Variants in RBM45 observed in about 807,000 individuals in gnomAD.
The protein encoded by RBM45 is RNA-binding protein 45.
Under a neutral mutation model 58.5 loss-of-function variants are expected in RBM45, and 39 were observed. The observed-to-expected ratio is 0.67, with a 90% CI of 0.52 to 0.87. RBM45 has a LOEUF of 0.87. RBM45 is among the 40% of genes least tolerant of loss of function. The pLI is 0.00. For missense variants in RBM45, 481 were observed against 581.6 expected (o/e 0.83, Z 1.78); for synonymous variants, 193 against 203.0 (o/e 0.95, Z 0.42).
downstream of RBM45, among the ~76,000 whole-genome samples, chr2:178,132,669 C>T (rs2088014487): frequency 1.3e-5 from 2 of 152,154 alleles, no homozygotes; most frequent in Non-Finnish European, 2.9e-5. Flanking sequence ...CAGCTCACCG[C>T]AACCTCCACC....
Position 178,126,051 on chromosome 2 carries a change from G to A in RBM45, c.1300G>A (p.Asp434Asn), listed in dbSNP as rs748783470. The A allele has an allele frequency of 1.7e-5, 28 of 1,613,728 alleles. No individual in the cohort carries two copies. In the Admixed American group the frequency reaches 1.8e-4, roughly 11 times the overall value. ...GKNVGYAKYA[D>N]RISANDAIAT... ...AAATGTGGGGTATGCCAAGTATGCC[G>A]ATAGAATAAGTGCTAATGATGCCAT... is the stretch of plus-strand genomic sequence containing the variant. The change falls in exon 9 of 10, where the codon GAT becomes AAT. Residue 434 changes from aspartate (D) to asparagine (N), a missense_variant. Physicochemically the swap from Asp to Asn is conservative, Grantham distance 23. Transcript: ENST00000286070.
downstream of RBM45, among the ~76,000 whole-genome samples, chr2:178,129,920 A>C (rs2087988506): frequency 6.6e-6 from 1 of 152,316 alleles, no homozygotes; most frequent in African/African-American, 2.4e-5. Flanking sequence ...TACTCAATCT[A>C]TATATGCAGC....
chr2:178,134,281 G>T (rs1321065966), downstream of RBM45, among the ~76,000 whole-genome samples: 1 of 152,116 alleles, frequency 6.6e-6, no homozygotes, highest in East Asian at 1.9e-4. Context: ...TTGTATATGA[G>T]GTACAAAACT....
At chr2:178,127,417 G>T (rs934711745) in intron 9 of RBM45, among the ~76,000 whole-genome samples, 2 of 152,106 alleles carry the variant, frequency 1.3e-5, no homozygotes, top group African/African-American at 4.8e-5. Flanking sequence ...GACCAATTGT[G>T]TGAGCTAGCA....
intron 5 of RBM45, among the ~76,000 whole-genome samples, chr2:178,121,892 T>C (rs1476233943): frequency 6.6e-6 from 1 of 152,242 alleles, no homozygotes; most frequent in African/African-American, 2.4e-5. Context: ...TTTGAACTTA[T>C]TAATTAGTTA....
Position 178,112,774 on chromosome 2 carries a change from C to T in RBM45, c.228C>T (p.Ser76=), listed in dbSNP as rs200182735. Reference sequence around the variant, plus strand: ...TTGCTTTCGTCAAGTTCGCCCGCAGCTCACAGGCCTGCAGGGCCATGGAGG... The same window carrying T: ...TTGCTTTCGTCAAGTTCGCCCGCAGTTCACAGGCCTGCAGGGCCATGGAGG... ...KGIAFVKFAR[S]SQACRAMEEM... The change falls in exon 1 of 10, where the codon AGC becomes AGT. Residue 76 remains serine, a synonymous_variant. Coordinates refer to ENST00000286070, the MANE Select transcript of RBM45 (RefSeq NM_152945.4). 52 of 1,614,050 alleles carry T rather than the reference C, an allele frequency of 3.2e-5. No individual in the cohort carries two copies. The East Asian group carries it at 4.7e-4, about 15-fold the overall frequency.
chr2:178,121,403 TACACACACACACACACACACACAC>T (rs55710214), intron 5 of RBM45, 44 bp downstream of exon 5: 23 of 593,382 alleles, frequency 3.9e-5, no homozygotes, highest in Non-Finnish European at 5.9e-5. Context: ...TATGTATATA[TACACACACACACACACACACACAC>T]ACACACACAC....
rs1179862171 is a variant in RBM45 at position 178,112,838 on chromosome 2, C to A, written c.292C>A (p.Pro98Thr). ...GQCLGPNDTK[P>T]IKVFIAQSRS... ...GTGCCTCGGCCCCAACGACACCAAG[C>A]CCATCAAGGTGCGGGTGCCCGGGTC... The change falls in exon 1 of 10, where the codon CCC becomes ACC. Residue 98 changes from proline to threonine, a missense_variant. Coordinates refer to ENST00000286070, the MANE Select transcript of RBM45 (RefSeq NM_152945.4). The A allele has an allele frequency of 1.2e-6, 2 of 1,603,582 alleles. No individual in the cohort carries two copies. The highest frequency in any genetic ancestry group is 1.1e-5 in the South Asian group (1 of 90,950).
intron 8 of RBM45, among the ~76,000 whole-genome samples, chr2:178,124,823 T>G (rs1471893158): frequency 2.0e-5 from 3 of 151,792 alleles, no homozygotes; most frequent in Admixed American, 2.0e-4. Context: ...GTTTTTTGTG[T>G]TTTTTTTGCT....
Position 178,116,354 on chromosome 2 carries a change from C to T in RBM45, c.393C>T (p.Tyr131=), listed in dbSNP as rs1409829459. The change falls in exon 2 of 10, where the codon TAC becomes TAT. Residue 131 remains tyrosine (Y), a synonymous_variant. Coordinates refer to ENST00000286070, the MANE Select transcript of RBM45 (RefSeq NM_152945.4). ...TCTTTGTTATGATACCAAAGTCCTA[C>T]ACAGAAGAAGATCTGCGGGAAAAAT... is the stretch of plus-strand genomic sequence containing the variant. The part of the protein sequence containing the change: ...TRIFVMIPKS[Y]TEEDLREKFK... 5.6e-6 allele frequency: 9 copies of T among 1,605,532 alleles called. No homozygotes were observed. The East Asian group carries it at 2.0e-4, about 36-fold the overall frequency.
At chr2:178,113,247 A>G (rs2087729168) in intron 1 of RBM45, among the ~76,000 whole-genome samples, 1 of 152,152 alleles carries the variant, frequency 6.6e-6, no homozygotes, top group African/African-American at 2.4e-5. Context: ...TCCATATATA[A>G]AAAACGGAAA....
chr2:178,126,739 A>G (rs2087934431), intron 9 of RBM45, among the ~76,000 whole-genome samples: 1 of 152,226 alleles, frequency 6.6e-6, no homozygotes, highest in South Asian at 2.1e-4. Flanking sequence ...ACATTCAGAA[A>G]ATATTCTCGT....
At chr2:178,134,713 C>T (rs1457521620) in intron 3 of RBM45, among the ~76,000 whole-genome samples, 6 of 151,970 alleles carry the variant, frequency 3.9e-5, no homozygotes, top group African/African-American at 9.7e-5. Flanking sequence ...CTATCTGGGC[C>T]GGGCGCAGTG....
rs752874482 is a variant in RBM45 at position 178,123,643 on chromosome 2, T to C, written c.975T>C (p.Asn325=). Residue 325 remains asparagine, a synonymous_variant, in exon 6 of 10, where the codon AAT becomes AAC. Transcript: ENST00000286070. ...IGVSFIDDGS[N]ATDLLRKMAT... ...TTTCCTTCATTGATGATGGAAGTAA[T>C]GCAACAGAGTAAGTACCATTCCAGG... 9 of 1,605,470 alleles carry C rather than the reference T, an allele frequency of 5.6e-6. No individual in the cohort carries two copies. The East Asian group carries it at 1.8e-4, about 32-fold the overall frequency.
At chr2:178,130,384 G>A (rs372368636), downstream of RBM45, among the ~76,000 whole-genome samples, 2 of 151,994 alleles carry the variant, frequency 1.3e-5, no homozygotes, top group African/African-American at 4.8e-5. Flanking sequence ...AATTAGCCAG[G>A]CGTGGTGGTG....
exon 4 of RBM45, chr2:178,136,912 T>G (rs1260144692): frequency 6.6e-6 from 1 of 152,140 alleles, no homozygotes; most frequent in Non-Finnish European, 1.5e-5. Flanking sequence ...CTAGATAAAC[T>G]CATTGTGAAA....
chr2:178,114,293 C>T (rs1004060385), intron 1 of RBM45, among the ~76,000 whole-genome samples: 1 of 152,124 alleles, frequency 6.6e-6, no homozygotes, highest in African/African-American at 2.4e-5. Context: ...CCAATTATGA[C>T]CTTAGTGGAG....
At chr2:178,121,587 C>G (rs1159070302) in intron 5 of RBM45, among the ~76,000 whole-genome samples, 1 of 152,002 alleles carries the variant, frequency 6.6e-6, no homozygotes, top group African/African-American at 2.4e-5. Flanking sequence ...GGAAATATAT[C>G]TTCTTTTTAC....
At chr2:178,132,577 C>G (rs2088013688), downstream of RBM45, among the ~76,000 whole-genome samples, 5 of 147,860 alleles carry the variant, frequency 3.4e-5, no homozygotes, top group Admixed American at 2.1e-4. Flanking sequence ...AACTGCGGTT[C>G]TTTTTTGTTT....
Sources: allele counts gnomAD v4.1 joint callset (sites outside exome capture counted in the v4.1 genomes callset), GRCh38; gene constraint gnomAD v4.1.1; transcripts MANE v1.5; gene names NCBI Gene and HGNC (gene_info 2026-07-23, HGNC 2026-07-21).